USP37: variants seen among roughly 807,000 people sequenced by gnomAD.
The protein encoded by USP37 is ubiquitin specific peptidase 37, also known as ubiquitin carboxyl-terminal hydrolase 37.
A neutral mutation model predicts 124.0 loss-of-function variants in USP37; 27 were observed. That is an observed-to-expected ratio of 0.22 (90% CI 0.16 to 0.30). USP37 has a LOEUF of 0.30. Ranked by LOEUF, USP37 falls within the 10% of genes least tolerant of loss-of-function variation. USP37 has a pLI of 1.00. For synonymous variants in USP37, 365 were observed against 388.0 expected (o/e 0.94, Z 0.70); for missense variants, 889 against 1,140.4 (o/e 0.78, Z 3.17).
In USP37 at chr2:218,465,999, A is replaced by G. The variant is rs763634551; in HGVS notation, c.2466+11T>C. 1.2e-6 allele frequency: 2 copies of G among 1,600,750 alleles called. No individual in the cohort carries two copies. Among genetic ancestry groups the G allele is most frequent in the South Asian group, 1.1e-5 (1 of 88,018 alleles). On this transcript the variant is annotated intron_variant, in intron 21 of 25. Coordinates refer to ENST00000258399, the MANE Select transcript of USP37 (RefSeq NM_020935.3). ...AAGTACAGAGAAAGTAGCAATATAA[A>G]TATCTCTTACTTGCTCTTGAAGGCT...
intron 5 of USP37, 78 bp from the exon 6 acceptor site, chr2:218,549,987 T>C (rs1482179589): frequency 1.8e-6 from 2 of 1,082,542 alleles, no homozygotes; most frequent in African/African-American, 3.2e-5. Context: ...TTATTATTTT[T>C]ATATAATATT....
chr2:218,467,355 CTATT>C (rs1158669270), intron 20 of USP37, among the ~76,000 whole-genome samples: 106 of 131,624 alleles, frequency 8.1e-4, no homozygotes, highest in African/African-American at 2.5e-3. Flanking sequence ...ATCTATCTAT[CTATT>C]TTTTTTTGAG....
rs1689549185 is a variant in USP37 at position 218,453,465 on chromosome 2, T to G, written c.*1465A>C. ...TGAGAACTAAAGAATAATCCCCTTG[T>G]TTATAATAAAAGAAAAAACACGAAA... is the stretch of plus-strand genomic sequence containing the variant. On this transcript the variant is annotated 3_prime_UTR_variant, in exon 26 of 26. Transcript: ENST00000258399. 1 of 152,184 alleles carries G rather than the reference T, an allele frequency of 6.6e-6. No homozygotes were observed. Among genetic ancestry groups the G allele is most frequent in the African/African-American group, 2.4e-5 (1 of 41,436 alleles). 9.4% of individuals were successfully genotyped at this position (152,184 alleles called of 1,614,324 possible).
chr2:218,472,327 T>C (rs2106416620), intron 20 of USP37, among the ~76,000 whole-genome samples: 1 of 152,264 alleles, frequency 6.6e-6, no homozygotes, highest in South Asian at 2.1e-4. Context: ...GTAGCCACGG[T>C]TCACTAGATG....
chr2:218,510,072 A>C lies in USP37; in HGVS notation c.932T>G (p.Leu311Arg). 6.2e-7 allele frequency: 1 copy of C among 1,613,330 alleles called. No individual in the cohort carries two copies. Among genetic ancestry groups the C allele is most frequent in the Non-Finnish European group, 8.5e-7 (1 of 1,179,862 alleles). The change falls in exon 11 of 26, where the codon CTT becomes CGT. Residue 311 changes from leucine (L) to arginine (R), a missense_variant. Leu to Arg is a moderately radical substitution (Grantham distance 102). Around this residue, in one of 3 missense-constraint regions of USP37, gnomAD observed 374 missense variants for 386.0 expected, o/e 0.97. Transcript: ENST00000258399. ...SLGFLPQPVPLSVKKLRCNQD... is the reference protein window; with the variant it reads ...SLGFLPQPVPRSVKKLRCNQD... ...GTTACACCTCAGTTTTTTAACAGAA[A>C]GAGGAACTGGCTGAGGAAGAAATCC... is the stretch of plus-strand genomic sequence containing the variant.
chr2:218,552,918 A>AAAACAAACAAAC (rs140347553), intron 5 of USP37, among the ~76,000 whole-genome samples: 24 of 151,500 alleles, frequency 1.6e-4, no homozygotes, highest in South Asian at 1.0e-3. Context: ...ACTCCATTTC[A>AAAACAAACAAAC]AAACAAACAA....
chr2:218,543,520 A>C (rs1034419580), intron 8 of USP37, among the ~76,000 whole-genome samples: 5 of 150,206 alleles, frequency 3.3e-5, no homozygotes, highest in African/African-American at 7.4e-5. Context: ...AAAAAAAAAA[A>C]AAAAAAAACA....
intron 11 of USP37, among the ~76,000 whole-genome samples, chr2:218,500,436 ATT>A (rs1278143107): frequency 6.6e-6 from 1 of 150,578 alleles, no homozygotes; most frequent in Non-Finnish European, 1.5e-5. Flanking sequence ...ATTTTTTTGT[ATT>A]TTTAGTAGAG....
At chr2:218,479,764 G>C in intron 17 of USP37, 49 bp from the exon 18 acceptor site, 1 of 1,059,006 alleles carries the variant, frequency 9.4e-7, no homozygotes, top group Non-Finnish European at 1.3e-6. Context: ...AATTATTAAA[G>C]ATATATATTT....
intron 9 of USP37, among the ~76,000 whole-genome samples, chr2:218,531,599 C>T (rs552352234): frequency 1.3e-5 from 2 of 152,314 alleles, no homozygotes; most frequent in South Asian, 4.1e-4. Context: ...AAATACATTT[C>T]AGAAGGCTAC....
At chr2:218,459,673 C>T in intron 23 of USP37, 117 bp downstream of exon 23, 1 of 694,864 alleles carries the variant, frequency 1.4e-6, no homozygotes, top group East Asian at 2.8e-5. Flanking sequence ...CATCTAATGG[C>T]TACTGAAAGG....
chr2:218,543,075 C>A (rs1692075329), intron 8 of USP37, among the ~76,000 whole-genome samples: 1 of 152,248 alleles, frequency 6.6e-6, no homozygotes, highest in East Asian at 1.9e-4. Flanking sequence ...ACTCACTGAA[C>A]CTATAGCTCT....
chr2:218,524,559 A>T (rs1690847661), intron 10 of USP37, among the ~76,000 whole-genome samples: 2 of 152,186 alleles, frequency 1.3e-5, no homozygotes, highest in Admixed American at 1.3e-4. Context: ...TCCTCCTTTG[A>T]TAGAAAATAT....
chr2:218,553,208 T>C (rs888771797), intron 5 of USP37, among the ~76,000 whole-genome samples: 1 of 152,250 alleles, frequency 6.6e-6, no homozygotes, highest in Non-Finnish European at 1.5e-5. Context: ...AGTACGATGT[T>C]AGCTGTAAGT....
In USP37 at chr2:218,546,257, A is replaced by G. The variant is rs1271222668; in HGVS notation, c.644T>C (p.Leu215Ser). ...ATTTTCCTTAGGGTAATCTTCATTC[A>G]ATTCTGAGCCAGTTGATATCATTCT... Reference protein sequence around the residue: ...RKRMISTGSELNEDYPKENDS... With the variant: ...RKRMISTGSESNEDYPKENDS... Residue 215 changes from leucine (L) to serine (S), a missense_variant, in exon 8 of 26, where the codon TTG becomes TCG. This residue lies in a region of USP37 where 374 missense variants were observed against 386.0 expected (regional missense o/e 0.97). Coordinates refer to ENST00000258399, the MANE Select transcript of USP37 (RefSeq NM_020935.3). The G allele has an allele frequency of 1.2e-6, 2 of 1,613,202 alleles. No individual in the cohort carries two copies. The highest frequency in any genetic ancestry group is 1.7e-6 in the Non-Finnish European group (2 of 1,179,820).
At chr2:218,455,785 C>G in intron 24 of USP37, 67 bp from the exon 25 acceptor site, 2 of 1,526,624 alleles carry the variant, frequency 1.3e-6, no homozygotes, top group Non-Finnish European at 1.8e-6. Flanking sequence ...CGATGGCTCA[C>G]GCCTGTAATC....
At chr2:218,507,249 C>G (rs1353640651) in intron 11 of USP37, among the ~76,000 whole-genome samples, 1 of 151,868 alleles carries the variant, frequency 6.6e-6, no homozygotes, top group East Asian at 1.9e-4. Flanking sequence ...ACTCTGCCTC[C>G]CTGGTTCAAG....
chr2:218,487,955 G>T (rs555629240), intron 15 of USP37, among the ~76,000 whole-genome samples: 2 of 151,518 alleles, frequency 1.3e-5, no homozygotes, highest in South Asian at 4.2e-4. Context: ...AGGCCAAGGT[G>T]GGCAGATCAC....
Position 218,534,725 on chromosome 2 carries a change from C to T in USP37, c.681-19G>A. The T allele has an allele frequency of 1.3e-6, 2 of 1,515,294 alleles. No individual in the cohort carries two copies. The highest frequency in any genetic ancestry group is 9.0e-7 in the Non-Finnish European group (1 of 1,107,782). The allele number at this position is 1,515,294 out of a possible 1,614,324, so 93.9% of individuals were successfully genotyped here. ...GTTGTTCCTATAGTTAATAATTTTA[C>T]ATCAATATAGTACAGGTGTATAAAA... is the stretch of plus-strand genomic sequence containing the variant. On this transcript the variant is annotated intron_variant, in intron 8 of 25. Transcript: ENST00000258399.
Sources: allele counts gnomAD v4.1 joint callset (sites outside exome capture counted in the v4.1 genomes callset), GRCh38; gene constraint gnomAD v4.1.1; regional missense constraint gnomAD v4.1.1; transcripts MANE v1.5; gene names NCBI Gene and HGNC (gene_info 2026-07-23, HGNC 2026-07-21).